SPARCL1: variants seen among roughly 807,000 people sequenced by gnomAD.
The protein encoded by SPARCL1 is SPARC like 1, also known as SPARC-like protein 1.
Under a neutral mutation model 67.1 loss-of-function variants are expected in SPARCL1, and 52 were observed. That is an observed-to-expected ratio of 0.78 (90% CI 0.62 to 0.98). The LOEUF is 0.98. Ranked by LOEUF, SPARCL1 falls within the 50% of genes least tolerant of loss-of-function variation. The pLI is 0.00. For missense variants in SPARCL1, 717 were observed against 782.4 expected (o/e 0.92, Z 1.00); for synonymous variants, 226 against 267.8 (o/e 0.84, Z 1.52).
chr4:87,488,860 G>A (rs1452820025), intron 7 of SPARCL1, among the ~76,000 whole-genome samples: 2 of 152,178 alleles, frequency 1.3e-5, no homozygotes, highest in Non-Finnish European at 2.9e-5. Flanking sequence ...CACCCAGTCC[G>A]AACTTCCTAG....
chr4:87,494,619 A>G (rs2110230127), intron 3 of SPARCL1, 21 bp from the exon 4 acceptor site: 1 of 1,541,208 alleles, frequency 6.5e-7, no homozygotes, highest in Non-Finnish European at 8.7e-7. Context: ...AAAAAAGTTC[A>G]TTCTTCAAAC....
Position 87,473,685 on chromosome 4 carries a change from A to G in SPARCL1, c.*90T>C, listed in dbSNP as rs1476332543. 1.1e-5 allele frequency: 10 copies of G among 924,616 alleles called. No homozygotes were observed. The East Asian group carries it at 2.1e-4, about 19-fold the overall frequency. 57.3% of individuals were successfully genotyped at this position (924,616 alleles called of 1,614,324 possible). ...CATACATGCTAACATTTTGCTAAAT[A>G]TAAATCTACAAGTATCACAGCTGCA... On this transcript the variant is annotated 3_prime_UTR_variant, in exon 11 of 11. Transcript: ENST00000282470.
chr4:87,497,824 G>A (rs1401178771), intron 2 of SPARCL1, among the ~76,000 whole-genome samples: 1 of 152,162 alleles, frequency 6.6e-6, no homozygotes, highest in Non-Finnish European at 1.5e-5. Context: ...GTGCGATCTT[G>A]GCTCACTGCA....
intron 1 of SPARCL1, among the ~76,000 whole-genome samples, chr4:87,524,702 G>T (rs1312416454): frequency 6.6e-6 from 1 of 152,146 alleles, no homozygotes; most frequent in African/African-American, 2.4e-5. Flanking sequence ...TGCAGCACCT[G>T]ATTAAAGCCT....
chr4:87,499,493 A>G, intron 2 of SPARCL1, 28 bp downstream of exon 2: 1 of 1,570,926 alleles, frequency 6.4e-7, no homozygotes. Context: ...GGAGAAAGAG[A>G]TGTAATAACA....
intron 7 of SPARCL1, among the ~76,000 whole-genome samples, chr4:87,487,721 CA>C (rs1270303292): frequency 6.6e-6 from 1 of 152,176 alleles, no homozygotes; most frequent in Non-Finnish European, 1.5e-5. Context: ...TCATTACTTC[CA>C]GGTACACCAA....
rs2110228864 is a variant in SPARCL1 at position 87,493,894 on chromosome 4, T to C, written c.906A>G (p.Leu302=). The change falls in exon 4 of 11, where the codon CTA becomes CTG. Residue 302 remains leucine, a synonymous_variant. Transcript: ENST00000282470. ...TCTCTTTGTGGTTGCTGATAGCTTC[T>C]AGGCCAGTTTTACCCTCTTGACTCT... ...EWQSQEGKTG[L]EAISNHKETE... 1 of 1,614,248 alleles carries C rather than the reference T, an allele frequency of 6.2e-7. No individual in the cohort carries two copies. Among genetic ancestry groups the C allele is most frequent in the Non-Finnish European group, 8.5e-7 (1 of 1,180,036 alleles).
chr4:87,505,851 G>A (rs1478399926), intron 1 of SPARCL1, among the ~76,000 whole-genome samples: 1 of 151,772 alleles, frequency 6.6e-6, no homozygotes, highest in Non-Finnish European at 1.5e-5. Context: ...GAGCCACTGT[G>A]CCTAGCCTTA....
At chr4:87,512,422 T>C (rs1272578045) in intron 1 of SPARCL1, among the ~76,000 whole-genome samples, 1 of 152,170 alleles carries the variant, frequency 6.6e-6, no homozygotes, top group African/African-American at 2.4e-5. Context: ...CTTAACCTTG[T>C]GATTTGCTTT....
At chr4:87,514,393 A>G (rs1172847858) in intron 1 of SPARCL1, among the ~76,000 whole-genome samples, 2 of 152,206 alleles carry the variant, frequency 1.3e-5, no homozygotes, top group East Asian at 3.9e-4. Context: ...TTGAGAGCCA[A>G]CATTTACTGA....
intron 1 of SPARCL1, among the ~76,000 whole-genome samples, chr4:87,504,599 G>A (rs1724997123): frequency 6.6e-6 from 1 of 152,020 alleles, no homozygotes; most frequent in East Asian, 1.9e-4. Context: ...AGGGGAGCTG[G>A]GATTGAAGCT....
intron 7 of SPARCL1, among the ~76,000 whole-genome samples, chr4:87,487,340 C>A (rs1724117453): frequency 1.3e-5 from 2 of 152,032 alleles, no homozygotes; most frequent in African/African-American, 4.8e-5. Flanking sequence ...TTTATTTCTC[C>A]TTCACTTATG....
intron 8 of SPARCL1, among the ~76,000 whole-genome samples, chr4:87,481,926 T>C (rs1219086059): frequency 6.6e-6 from 1 of 152,188 alleles, no homozygotes; most frequent in African/African-American, 2.4e-5. Context: ...TTTAGGTCAA[T>C]TTCTGGCACC....
At chr4:87,523,933 G>C (rs1312850269) in intron 1 of SPARCL1, among the ~76,000 whole-genome samples, 1 of 152,106 alleles carries the variant, frequency 6.6e-6, no homozygotes, top group Non-Finnish European at 1.5e-5. Flanking sequence ...GTGATGGTTT[G>C]ATTAATGACC....
intron 6 of SPARCL1, 83 bp from the exon 7 acceptor site, chr4:87,490,476 A>G (rs1463913690): frequency 1.4e-6 from 2 of 1,457,608 alleles, no homozygotes; most frequent in Admixed American, 4.5e-5. Flanking sequence ...TCATATGCTG[A>G]TAACAGCGCT....
At chr4:87,478,496 G>A (rs1479489211) in intron 10 of SPARCL1, among the ~76,000 whole-genome samples, 1 of 149,646 alleles carries the variant, frequency 6.7e-6, no homozygotes, top group East Asian at 2.0e-4. Flanking sequence ...GGAGTGCAGT[G>A]TTGGGATCTT....
At position 87,494,580 on chromosome 4, in the gene SPARCL1, G is replaced by A; in HGVS notation, c.220C>T (p.Leu74=). ...TCATGGCTTTCCTCTTTTGACTTTA[G>A]TACTGATGATTTTTCAGCCTTAAAA... is the stretch of plus-strand genomic sequence containing the variant. ...SHHKAEKSSV[L]KSKEESHEQS... Residue 74 remains leucine, a synonymous_variant, in exon 4 of 11, where the codon CTA becomes TTA. Transcript: ENST00000282470. 2.5e-6 allele frequency: 4 copies of A among 1,581,558 alleles called. No homozygotes were observed. The highest frequency in any genetic ancestry group is 3.4e-6 in the Non-Finnish European group (4 of 1,167,926).
At chr4:87,525,848 C>T (rs543678303) in intron 1 of SPARCL1, among the ~76,000 whole-genome samples, 9 of 152,190 alleles carry the variant, frequency 5.9e-5, no homozygotes, top group South Asian at 2.1e-4. Context: ...ATTGCTATGA[C>T]GACAGCCTGC....
chr4:87,529,222 C>T lies in SPARCL1; in HGVS notation c.-189G>A, dbSNP rs1726175325. The T allele has an allele frequency of 6.6e-6, 1 of 152,200 alleles. No homozygotes were observed. Among genetic ancestry groups the T allele is most frequent in the African/African-American group, 2.4e-5 (1 of 41,442 alleles). 9.4% of individuals were successfully genotyped at this position (152,200 alleles called of 1,614,324 possible). A position where few individuals can be genotyped will look rare whatever the true frequency, so the allele number is the denominator to read the frequency against. ...ATTCAAGTCTACTGGAGTTGAAATT[C>T]TGCTGCTCTGTCAACTAGTGGGGGT... On this transcript the variant is annotated 5_prime_UTR_variant, in exon 1 of 11. Coordinates refer to ENST00000282470, the MANE Select transcript of SPARCL1 (RefSeq NM_004684.6).
Sources: allele counts gnomAD v4.1 joint callset (sites outside exome capture counted in the v4.1 genomes callset), GRCh38; gene constraint gnomAD v4.1.1; transcripts MANE v1.5; gene names NCBI Gene and HGNC (gene_info 2026-07-23, HGNC 2026-07-21).